Variants in UGT8 observed in about 807,000 individuals in gnomAD.
UGT8 encodes 2-hydroxyacylsphingosine 1-beta-galactosyltransferase.
In UGT8, 12 loss-of-function variants were observed where a neutral mutation model predicts 40.5. That is an observed-to-expected ratio of 0.30 (90% CI 0.19 to 0.48). The LOEUF (loss-of-function observed/expected upper bound fraction) is 0.48. Among genes scored for constraint, UGT8 ranks in the 20% least tolerant of loss-of-function variants. The probability of loss-of-function intolerance (pLI) is 0.99; values close to 1 mark genes in which losing one functional copy is unlikely to be tolerated. For missense variants in UGT8, 513 were observed against 648.7 expected (o/e 0.79, Z 2.27); for synonymous variants, 224 against 240.4 (o/e 0.93, Z 0.63).
Position 114,676,236 on chromosome 4 carries a change from A to G in UGT8, c.1574A>G (p.Asn525Ser). ...GGACATTACCACAATGGAATCCTCA[A>G]TGGCAAGTACAAAAGAAATGGCCAT... is the stretch of plus-strand genomic sequence containing the variant. ...VNGHYHNGIL[N>S]GKYKRNGHIK... The change falls in exon 6 of 6, where the codon AAT becomes AGT. Residue 525 changes from asparagine to serine, a missense_variant. By Grantham distance (46) the Asn-to-Ser change is conservative. Coordinates refer to ENST00000310836, the MANE Select transcript of UGT8 (RefSeq NM_001128174.3). 6.2e-7 allele frequency: 1 copy of G among 1,612,426 alleles called. No individual in the cohort carries two copies.
chr4:114,633,939 C>CT (rs1214413636), intron 2 of UGT8, among the ~76,000 whole-genome samples: 2 of 147,222 alleles, frequency 1.4e-5, no homozygotes, highest in Admixed American at 6.8e-5. Flanking sequence ...GTGAGACTGT[C>CT]TAAAAAAAAA....
At chr4:114,642,593 G>A (rs1385310505) in intron 2 of UGT8, among the ~76,000 whole-genome samples, 1 of 152,068 alleles carries the variant, frequency 6.6e-6, no homozygotes, top group African/African-American at 2.4e-5. Context: ...GAATCACCCA[G>A]CATGGACAGC....
At chr4:114,659,394 A>G (rs1239641505) in intron 2 of UGT8, among the ~76,000 whole-genome samples, 1 of 152,222 alleles carries the variant, frequency 6.6e-6, no homozygotes, top group African/African-American at 2.4e-5. Context: ...ATAGGAATGG[A>G]ATTATTCATT....
chr4:114,667,344 C>G (rs935595329), intron 4 of UGT8, among the ~76,000 whole-genome samples: 2 of 152,144 alleles, frequency 1.3e-5, no homozygotes, highest in African/African-American at 4.8e-5. Flanking sequence ...GTTTTTACAA[C>G]TCTTATGCCA....
intron 1 of UGT8, among the ~76,000 whole-genome samples, chr4:114,612,525 A>G (rs1731156044): frequency 6.6e-6 from 1 of 152,212 alleles, no homozygotes; most frequent in Admixed American, 6.5e-5. Flanking sequence ...TCCATTAAAA[A>G]AATTGCACAT....
At chr4:114,667,253 A>G (rs935247313) in intron 4 of UGT8, among the ~76,000 whole-genome samples, 4 of 152,166 alleles carry the variant, frequency 2.6e-5, no homozygotes, top group Non-Finnish European at 5.9e-5. Flanking sequence ...TGTGTATTTT[A>G]AAAGATCGAC....
chr4:114,640,183 AC>A (rs1427355457), intron 2 of UGT8, among the ~76,000 whole-genome samples: 2 of 151,798 alleles, frequency 1.3e-5, no homozygotes, highest in African/African-American at 4.8e-5. Flanking sequence ...GGCGCCCGCC[AC>A]CACGCCTGGC....
At chr4:114,668,385 G>T in intron 5 of UGT8, 81 bp downstream of exon 5, 2 of 1,126,668 alleles carry the variant, frequency 1.8e-6, no homozygotes, top group Non-Finnish European at 2.6e-6. Flanking sequence ...TCAATAGATT[G>T]TCAATAAATT....
intron 5 of UGT8, among the ~76,000 whole-genome samples, chr4:114,675,018 T>C (rs910487704): frequency 1.3e-5 from 2 of 152,342 alleles, no homozygotes; most frequent in African/African-American, 4.8e-5. Flanking sequence ...GGGTGTTTTC[T>C]TTATACATAT....
In UGT8 at chr4:114,638,110, C is replaced by A. The variant is rs1212970316; in HGVS notation, c.822+14408C>A. On this transcript the variant is annotated intron_variant, in intron 2 of 5. Transcript: ENST00000310836. The stretch of plus-strand genomic sequence containing the variant: ...TATTTACTTAAAACAGCAAAAAATA[C>A]CCTTTTATCATTATGATCAGACCGG... 7.2e-5 allele frequency among the ~76,000 whole-genome samples: 11 copies of A among 152,130 alleles called. No individual in the cohort carries two copies. In the South Asian group the frequency reaches 2.1e-3, roughly 29 times the overall value.
intron 2 of UGT8, among the ~76,000 whole-genome samples, chr4:114,637,903 C>T (rs1229186993): frequency 2.0e-5 from 3 of 152,170 alleles, no homozygotes; most frequent in Non-Finnish European, 4.4e-5. Flanking sequence ...CCACTTTATT[C>T]ATTTGCAAAA....
chr4:114,637,352 A>G (rs1732948160), intron 2 of UGT8, among the ~76,000 whole-genome samples: 1 of 152,140 alleles, frequency 6.6e-6, no homozygotes, highest in Admixed American at 6.5e-5. Flanking sequence ...GACACATCCC[A>G]TGTTGCTGTT....
intron 2 of UGT8, among the ~76,000 whole-genome samples, chr4:114,647,031 C>T (rs1733612830): frequency 6.6e-6 from 1 of 152,100 alleles, no homozygotes; most frequent in South Asian, 2.1e-4. Flanking sequence ...CAGTTTGATT[C>T]TGTTTGTAGA....
chr4:114,626,928 A>G (rs2126101928), intron 2 of UGT8, among the ~76,000 whole-genome samples: 1 of 152,380 alleles, frequency 6.6e-6, no homozygotes, highest in African/African-American at 2.4e-5. Context: ...GATAAACTAA[A>G]TCAGCCTAAG....
chr4:114,661,532 T>G (rs1352779682), intron 2 of UGT8, among the ~76,000 whole-genome samples: 1 of 152,228 alleles, frequency 6.6e-6, no homozygotes, highest in Non-Finnish European at 1.5e-5. Context: ...CTCTTGCATC[T>G]GTTCATGACT....
chr4:114,669,117 C>A (rs1323384078), intron 5 of UGT8, among the ~76,000 whole-genome samples: 1 of 151,974 alleles, frequency 6.6e-6, no homozygotes, highest in Non-Finnish European at 1.5e-5. Flanking sequence ...AAGGAACAAC[C>A]AATAATAAGA....
At chr4:114,606,525 T>G (rs1222888914) in intron 1 of UGT8, among the ~76,000 whole-genome samples, 4 of 152,186 alleles carry the variant, frequency 2.6e-5, no homozygotes, top group African/African-American at 9.7e-5. Context: ...AGGGGAAAAC[T>G]AGTCAAACAG....
intron 1 of UGT8, among the ~76,000 whole-genome samples, chr4:114,603,103 G>A (rs1388119658): frequency 6.6e-6 from 1 of 152,150 alleles, no homozygotes; most frequent in Non-Finnish European, 1.5e-5. Context: ...TCTAAGATTA[G>A]GTGACCAATT....
chr4:114,671,515 T>G (rs1298125020), intron 5 of UGT8, among the ~76,000 whole-genome samples: 1 of 151,998 alleles, frequency 6.6e-6, no homozygotes, highest in East Asian at 1.9e-4. Context: ...CCTCAGAAAT[T>G]ACACCACACA....
Sources: gnomAD v4.1 joint callset for allele counts (sites outside exome capture counted in the v4.1 genomes callset) on GRCh38, gnomAD v4.1.1 for gene constraint, MANE v1.5 for transcripts, NCBI Gene and HGNC (gene_info 2026-07-23, HGNC 2026-07-21) for gene names.